Variants in SNX9 observed in about 807,000 individuals in gnomAD.
SNX9 encodes the protein sorting nexin-9.
Under a neutral mutation model 89.4 loss-of-function variants are expected in SNX9, and 44 were observed. The ratio of observed to expected loss-of-function variants is 0.49; its 90% CI spans 0.39 to 0.63. The LOEUF is 0.63. Among genes scored for constraint, SNX9 ranks in the 30% least tolerant of loss-of-function variants. The pLI, the probability that SNX9 is intolerant of heterozygous loss-of-function variation, is 0.00. For missense variants in SNX9, 578 were observed against 736.1 expected, an observed-to-expected ratio of 0.79 and a Z score of 2.49; for synonymous variants, 236 against 247.8, an observed-to-expected ratio of 0.95 and a Z score of 0.45.
At chr6:157,902,567 G>A (rs1323327830) in intron 6 of SNX9, among the ~76,000 whole-genome samples, 5 of 152,144 alleles carry the variant, frequency 3.3e-5, no homozygotes, top group African/African-American at 7.2e-5. Flanking sequence ...GCCCTCAGGC[G>A]CCAAAGCACG....
intron 11 of SNX9, among the ~76,000 whole-genome samples, 170 bp downstream of exon 11, chr6:157,927,384 AC>A (rs1410195442): frequency 6.6e-6 from 1 of 152,226 alleles, no homozygotes; most frequent in Non-Finnish European, 1.5e-5. Flanking sequence ...ACATAGAAGT[AC>A]TGTCTTTCTA....
intron 4 of SNX9, among the ~76,000 whole-genome samples, chr6:157,879,483 GAATC>G (rs1250958474): frequency 6.6e-6 from 1 of 152,190 alleles, no homozygotes; most frequent in Non-Finnish European, 1.5e-5. Context: ...CCCAGGAACT[GAATC>G]AAACTCTCTT....
chr6:157,870,575 A>T (rs1470409849), intron 2 of SNX9, among the ~76,000 whole-genome samples: 15 of 141,390 alleles, frequency 1.1e-4, no homozygotes, highest in Non-Finnish European at 1.1e-4. Context: ...ACATATATGC[A>T]CTCACCCGTG....
chr6:157,888,894 T>C (rs1057063740), intron 4 of SNX9, among the ~76,000 whole-genome samples: 1 of 152,030 alleles, frequency 6.6e-6, no homozygotes, highest in Non-Finnish European at 1.5e-5. Context: ...GGCAGTGAGA[T>C]CTAATGAAAG....
chr6:157,934,478 G>A (rs1468335906), intron 13 of SNX9, among the ~76,000 whole-genome samples: 1 of 151,972 alleles, frequency 6.6e-6, no homozygotes, highest in African/African-American at 2.4e-5. Context: ...CAAAATGAAG[G>A]CATAGCACAC....
intron 4 of SNX9, 77 bp from the exon 5 acceptor site, chr6:157,896,748 TTG>T: frequency 6.8e-7 from 1 of 1,471,108 alleles, no homozygotes; most frequent in Non-Finnish European, 9.4e-7. Context: ...TTGTATTCAA[TTG>T]TGTCAGTTCA....
At chr6:157,935,754 G>A (rs1403005708) in intron 13 of SNX9, among the ~76,000 whole-genome samples, 1 of 152,198 alleles carries the variant, frequency 6.6e-6, no homozygotes, top group African/African-American at 2.4e-5. Context: ...GGTGAAAGCG[G>A]GTCGGGGTGT....
chr6:157,852,178 C>T (rs1264396804), intron 1 of SNX9, among the ~76,000 whole-genome samples: 1 of 152,108 alleles, frequency 6.6e-6, no homozygotes, highest in African/African-American at 2.4e-5. Context: ...GGAGGAACTG[C>T]CAAACTGTTT....
chr6:157,825,597 A>G (rs916262093), intron 1 of SNX9, among the ~76,000 whole-genome samples: 1 of 152,152 alleles, frequency 6.6e-6, no homozygotes. Context: ...TAGTTCTGTT[A>G]GTTTCTTTCG....
intron 4 of SNX9, among the ~76,000 whole-genome samples, chr6:157,880,278 G>C (rs555701721): frequency 6.6e-6 from 1 of 152,188 alleles, no homozygotes. Flanking sequence ...CGGACACATG[G>C]AAGATATTTC....
At chr6:157,925,483 T>C (rs758120364) in intron 10 of SNX9, among the ~76,000 whole-genome samples, 1 of 152,090 alleles carries the variant, frequency 6.6e-6, no homozygotes, top group Non-Finnish European at 1.5e-5. Flanking sequence ...CCTGGATATG[T>C]ACTGAATAGA....
At chr6:157,871,252 G>C (rs534402644) in intron 2 of SNX9, among the ~76,000 whole-genome samples, 1 of 152,096 alleles carries the variant, frequency 6.6e-6, no homozygotes, top group East Asian at 1.9e-4. Context: ...GTGGTAGTGC[G>C]TGCCTGTAAT....
intron 4 of SNX9, among the ~76,000 whole-genome samples, chr6:157,880,263 A>G (rs944230850): frequency 6.6e-6 from 1 of 152,230 alleles, no homozygotes; most frequent in Non-Finnish European, 1.5e-5. Context: ...AATATAAAGT[A>G]GTGCCGGACA....
intron 1 of SNX9, among the ~76,000 whole-genome samples, chr6:157,833,522 A>G (rs1475051228): frequency 6.6e-6 from 1 of 152,164 alleles, no homozygotes; most frequent in Non-Finnish European, 1.5e-5. Flanking sequence ...TTCCAGGGGA[A>G]AAAAAGAGTA....
At chr6:157,845,150 C>T (rs576498172) in intron 1 of SNX9, among the ~76,000 whole-genome samples, 49 of 151,004 alleles carry the variant, frequency 3.2e-4, no homozygotes, top group Middle Eastern at 6.9e-3. Context: ...CTCTTGTCGC[C>T]CAGGCTGGAG....
intron 1 of SNX9, among the ~76,000 whole-genome samples, chr6:157,864,678 G>GC (rs759094728): frequency 2.0e-4 from 30 of 152,200 alleles, no homozygotes; most frequent in Non-Finnish European, 3.2e-4. Context: ...TCCCCTGCCC[G>GC]CATTTCTGTC....
intron 4 of SNX9, among the ~76,000 whole-genome samples, chr6:157,895,721 A>G (rs578171475): frequency 1.3e-5 from 2 of 152,320 alleles, no homozygotes; most frequent in South Asian, 4.1e-4. Flanking sequence ...ATGTTTGAGT[A>G]AGTATATACA....
At chr6:157,851,836 G>GCC (rs1781920103) in intron 1 of SNX9, among the ~76,000 whole-genome samples, 1 of 152,128 alleles carries the variant, frequency 6.6e-6, no homozygotes, top group Non-Finnish European at 1.5e-5. Flanking sequence ...TGAGTGACCT[G>GCC]CCTCTGCCTC....
intron 17 of SNX9, 117 bp from the exon 18 acceptor site, chr6:157,942,674 C>T (rs758154027): frequency 7.2e-5 from 78 of 1,088,902 alleles, no homozygotes; most frequent in Non-Finnish European, 9.6e-5. Flanking sequence ...CCAAAAAGAC[C>T]AGTTAAAGAA....
Sources: allele counts gnomAD v4.1 joint callset (sites outside exome capture counted in the v4.1 genomes callset), GRCh38; gene constraint gnomAD v4.1.1; transcripts MANE v1.5; gene names NCBI Gene and HGNC (gene_info 2026-07-23, HGNC 2026-07-21).